The following UBE3D variants were observed in gnomAD, a reference collection of about 807,000 sequenced individuals.
UBE3D encodes ubiquitin protein ligase E3D.
In UBE3D, 48 loss-of-function variants were observed where a neutral mutation model predicts 49.6. That is an observed-to-expected ratio of 0.97 (90% confidence interval 0.77 to 1.23). The LOEUF is 1.23. UBE3D is among the 50% of genes most tolerant of loss of function. The pLI is 0.00. For missense variants in UBE3D, 452 were observed against 468.4 expected (o/e 0.96, Z 0.32); for synonymous variants, 189 against 174.2 (o/e 1.08, Z -0.67).
chr6:82,948,615 A>G (rs1463679320), intron 9 of UBE3D, among the ~76,000 whole-genome samples: 1 of 152,094 alleles, frequency 6.6e-6, no homozygotes, highest in Admixed American at 6.6e-5. Context: ...AGAATTATCA[A>G]TAAAATACTA....
chr6:83,032,160 C>T (rs1195363177), intron 5 of UBE3D: 2 of 455,488 alleles, frequency 4.4e-6, no homozygotes, highest in Admixed American at 2.4e-5. Flanking sequence ...AATGATAGAT[C>T]CATAGACAGC....
chr6:82,900,049 C>T (rs1042393967), intron 9 of UBE3D, among the ~76,000 whole-genome samples: 3 of 152,084 alleles, frequency 2.0e-5, no homozygotes, highest in Non-Finnish European at 2.9e-5. Context: ...TCAAAAAGTC[C>T]CTTTAATTTC....
intron 9 of UBE3D, among the ~76,000 whole-genome samples, chr6:82,905,936 T>C (rs1263347608): frequency 6.6e-6 from 1 of 152,168 alleles, no homozygotes; most frequent in Non-Finnish European, 1.5e-5. Flanking sequence ...GCCATTGGTT[T>C]CATCCAAATC....
chr6:82,954,109 C>T (rs532408995), intron 9 of UBE3D, among the ~76,000 whole-genome samples: 5 of 152,288 alleles, frequency 3.3e-5, no homozygotes, highest in South Asian at 2.1e-4. Flanking sequence ...AGATGTTCCC[C>T]GGCCTTATTG....
intron 2 of UBE3D, among the ~76,000 whole-genome samples, chr6:83,055,875 GT>G (rs1372290118): frequency 6.6e-6 from 1 of 152,158 alleles, no homozygotes; most frequent in Non-Finnish European, 1.5e-5. Context: ...GTTCACACCA[GT>G]ACATATCTAT....
chr6:83,029,495 C>T (rs1025665146), intron 5 of UBE3D, among the ~76,000 whole-genome samples: 3 of 152,086 alleles, frequency 2.0e-5, no homozygotes, highest in Admixed American at 6.6e-5. Flanking sequence ...CTGTTCAAAG[C>T]TTTTCTTAAA....
At position 82,957,462 on chromosome 6, in the gene UBE3D, C is replaced by A; in HGVS notation, c.1011-12G>T. 1.2e-6 allele frequency: 2 copies of A among 1,601,230 alleles called. No individual in the cohort carries two copies. The highest frequency in any genetic ancestry group is 1.7e-6 in the Non-Finnish European group (2 of 1,175,544). Reference sequence around the variant, plus strand: ...ACAAGCTGACAAGTCTGGAACACACCAACACATTAACTTTCAAAAATGCAT... The same window carrying A: ...ACAAGCTGACAAGTCTGGAACACACAAACACATTAACTTTCAAAAATGCAT... On this transcript the variant is annotated splice_polypyrimidine_tract_variant and intron_variant, in intron 8 of 9. Coordinates refer to ENST00000369747, the MANE Select transcript of UBE3D (RefSeq NM_198920.3).
intron 8 of UBE3D, among the ~76,000 whole-genome samples, chr6:82,989,239 C>A (rs1414456511): frequency 6.6e-6 from 1 of 152,184 alleles, no homozygotes; most frequent in East Asian, 1.9e-4. Flanking sequence ...TTAACCCCTG[C>A]CTTCTGCTCT....
At chr6:83,003,556 C>T (rs1373103195) in intron 8 of UBE3D, among the ~76,000 whole-genome samples, 2 of 152,142 alleles carry the variant, frequency 1.3e-5, no homozygotes, top group African/African-American at 4.8e-5. Context: ...CTGAGAAATG[C>T]ATTATTAGGC....
At chr6:82,970,857 A>C (rs1777302372) in intron 8 of UBE3D, among the ~76,000 whole-genome samples, 2 of 149,862 alleles carry the variant, frequency 1.3e-5, no homozygotes, top group African/African-American at 5.0e-5. Context: ...AAACAAAAAC[A>C]AAAACAAAAA....
intron 8 of UBE3D, among the ~76,000 whole-genome samples, chr6:83,010,808 A>G (rs929487043): frequency 2.6e-5 from 4 of 152,176 alleles, no homozygotes; most frequent in African/African-American, 9.7e-5. Flanking sequence ...TTTATATTCC[A>G]GCCATGCTGG....
At chr6:82,920,295 A>G (rs1773231326) in intron 9 of UBE3D, among the ~76,000 whole-genome samples, 1 of 152,208 alleles carries the variant, frequency 6.6e-6, no homozygotes, top group South Asian at 2.1e-4. Flanking sequence ...AATCCTTGGG[A>G]AGTATTTTAA....
At chr6:82,881,060 T>A in the UBE3D span, among the ~76,000 whole-genome samples, 1 of 152,126 alleles carries the variant, frequency 6.6e-6, no homozygotes, top group Middle Eastern at 3.2e-3. Flanking sequence ...TACCATCTCA[T>A]TGAGGGTTCA....
the UBE3D span, among the ~76,000 whole-genome samples, chr6:82,882,516 G>A: frequency 6.6e-6 from 1 of 152,146 alleles, no homozygotes; most frequent in Non-Finnish European, 1.5e-5. Context: ...TTCCACCTAT[G>A]CTTTGTTTTG....
chr6:83,044,032 G>T (rs1782854479), intron 4 of UBE3D, among the ~76,000 whole-genome samples: 1 of 152,144 alleles, frequency 6.6e-6, no homozygotes, highest in South Asian at 2.1e-4. Flanking sequence ...GGCAGAAATA[G>T]TAAAATACCT....
At chr6:82,991,747 T>A (rs1423741090) in intron 8 of UBE3D, among the ~76,000 whole-genome samples, 1 of 152,108 alleles carries the variant, frequency 6.6e-6, no homozygotes, top group Non-Finnish European at 1.5e-5. Flanking sequence ...CAGTTAAGAT[T>A]TACTTTCTTA....
At chr6:83,049,232 T>C (rs914198426) in intron 3 of UBE3D, among the ~76,000 whole-genome samples, 2 of 152,152 alleles carry the variant, frequency 1.3e-5, no homozygotes, top group Non-Finnish European at 2.9e-5. Flanking sequence ...TAATCAGTGA[T>C]AATAACAATG....
intron 8 of UBE3D, among the ~76,000 whole-genome samples, chr6:82,963,573 G>T (rs12191639): frequency 0.16 from 23,913 of 152,096 alleles, 1,890 homozygotes; most frequent in African/African-American, 0.17. Flanking sequence ...GAAGCATCTA[G>T]CATGGGAGAA....
chr6:82,918,297 A>AC (rs1246705380), intron 9 of UBE3D, among the ~76,000 whole-genome samples: 1 of 151,958 alleles, frequency 6.6e-6, no homozygotes, highest in Non-Finnish European at 1.5e-5. Context: ...CAACAAAAAA[A>AC]AAACAAAAAA....
Sources: allele counts gnomAD v4.1 joint callset (sites outside exome capture counted in the v4.1 genomes callset), GRCh38; gene constraint gnomAD v4.1.1; transcripts MANE v1.5; gene names NCBI Gene and HGNC (gene_info 2026-07-23, HGNC 2026-07-21).